KLHL4: variants seen among roughly 807,000 people sequenced by gnomAD.
KLHL4 encodes the protein kelch-like protein 4.
Under a neutral mutation model 45.8 loss-of-function variants are expected in KLHL4, and 17 were observed. The observed-to-expected ratio is 0.37, with a 90% confidence interval of 0.25 to 0.56. KLHL4 has a LOEUF of 0.56. KLHL4 is among the 20% of genes least tolerant of loss of function. KLHL4 has a pLI of 0.79. For synonymous variants in KLHL4, 224 were observed against 189.9 expected (o/e 1.18, Z -1.47); for missense variants, 544 against 544.9 (o/e 1.00, Z 0.02).
At chrX:87,546,486 T>C (rs1238757717) in intron 1 of KLHL4, among the ~76,000 whole-genome samples, 1 of 112,433 alleles carries the variant, frequency 8.9e-6, no homozygotes, top group Non-Finnish European at 1.9e-5. Flanking sequence ...GGCAGAGGGC[T>C]GCTGCAGGGA....
At chrX:87,552,422 G>T (rs1334942697) in intron 1 of KLHL4, among the ~76,000 whole-genome samples, 1 of 109,717 alleles carries the variant, frequency 9.1e-6, no homozygotes, top group East Asian at 2.8e-4. Context: ...CATTGATGTG[G>T]TGATCAGGGG....
chrX:87,545,652 C>T (rs1373964727), intron 1 of KLHL4, among the ~76,000 whole-genome samples: 1 of 111,751 alleles, frequency 8.9e-6, no homozygotes, highest in African/African-American at 3.3e-5. Context: ...GAGGTACTGC[C>T]ATAAAGATAC....
At chrX:87,563,876 C>T (rs1184979079) in intron 1 of KLHL4, among the ~76,000 whole-genome samples, 1 of 110,758 alleles carries the variant, frequency 9.0e-6, no homozygotes, top group East Asian at 2.9e-4. Flanking sequence ...ACAAATAACA[C>T]ATGAAGGATT....
chrX:87,649,455 T>C (rs1923738793), intron 9 of KLHL4, among the ~76,000 whole-genome samples: 1 of 111,626 alleles, frequency 9.0e-6, no homozygotes, highest in Non-Finnish European at 1.9e-5. Flanking sequence ...AAATAGTCTC[T>C]CCTGTTTCAT....
At chrX:87,634,912 T>C (rs1465432422) in intron 8 of KLHL4, among the ~76,000 whole-genome samples, 1 of 111,721 alleles carries the variant, frequency 9.0e-6, no homozygotes, top group African/African-American at 3.3e-5. Flanking sequence ...AGGGAAGTTA[T>C]AGGAATATGG....
chrX:87,667,080 T>C lies in KLHL4; in HGVS notation c.*546T>C. 5 of 675,140 alleles carry C rather than the reference T, an allele frequency of 7.4e-6. No homozygotes were observed. Among genetic ancestry groups the C allele is most frequent in the Non-Finnish European group, 6.7e-6 (4 of 596,447 alleles). The allele number at this position is 675,140 out of a possible 1,213,427, so 55.6% of individuals were successfully genotyped here. Reference sequence around the variant, plus strand: ...TTTACCAAGAGGAAAGCTTTTACTGTGTTGAAGCTAAAAAAATAATGGCTC... The same window carrying C: ...TTTACCAAGAGGAAAGCTTTTACTGCGTTGAAGCTAAAAAAATAATGGCTC... On this transcript the variant is annotated 3_prime_UTR_variant, in exon 11 of 11. Coordinates refer to ENST00000373119, the MANE Select transcript of KLHL4 (RefSeq NM_019117.5).
chrX:87,650,243 G>A (rs1035137669), intron 9 of KLHL4, among the ~76,000 whole-genome samples: 1 of 110,944 alleles, frequency 9.0e-6, no homozygotes, highest in Admixed American at 9.6e-5. Flanking sequence ...CTACAGGCAT[G>A]TGCCACCACA....
rs943789143 is a variant in KLHL4 at position 87,518,018 on chromosome X, A to C, written c.125A>C (p.Glu42Ala). The C allele has an allele frequency of 8.3e-7, 1 of 1,211,344 alleles. No individual in the cohort carries two copies. The highest frequency in any genetic ancestry group is 1.1e-6 in the Non-Finnish European group (1 of 895,457). Residue 42 changes from glutamate (E) to alanine (A), a missense_variant, in exon 1 of 11, where the codon GAG becomes GCG. Glu to Ala is a moderately radical substitution (Grantham distance 107). Coordinates refer to ENST00000373119, the MANE Select transcript of KLHL4 (RefSeq NM_019117.5). ...TGSCLQQEGYEHRGTPVQGRL... is the reference protein window; with the variant it reads ...TGSCLQQEGYAHRGTPVQGRL... The stretch of plus-strand genomic sequence containing the variant: ...AGCTGTCTTCAGCAGGAAGGATATG[A>C]GCATAGAGGGACCCCGGTTCAGGGC...
intron 9 of KLHL4, among the ~76,000 whole-genome samples, chrX:87,653,548 A>G (rs965390485): frequency 8.9e-6 from 1 of 112,016 alleles, no homozygotes; most frequent in Non-Finnish European, 1.9e-5. Flanking sequence ...AAATTAGTTC[A>G]GCCATTGTAG....
At position 87,667,097 on chromosome X, in the gene KLHL4, T is replaced by A. The variant is rs1016887764; in HGVS notation, c.*563T>A. ...TTTTACTGTGTTGAAGCTAAAAAAA[T>A]AATGGCTCTTTGACAAAACTTGTTA... On this transcript the variant is annotated 3_prime_UTR_variant, in exon 11 of 11. Transcript: ENST00000373119. 6.1e-6 allele frequency: 4 copies of A among 655,199 alleles called. No homozygotes were observed. Among genetic ancestry groups the A allele is most frequent in the Non-Finnish European group, 7.2e-6 (4 of 552,679 alleles). The allele number at this position is 655,199 out of a possible 1,213,427, so 54.0% of individuals were successfully genotyped here.
At chrX:87,618,213 C>T (rs1239365302) in intron 4 of KLHL4, 85 bp downstream of exon 4, 3 of 733,826 alleles carry the variant, frequency 4.1e-6, no homozygotes, top group East Asian at 3.7e-5. Context: ...ACTTATATAA[C>T]TTGTAGATGA....
intron 1 of KLHL4, among the ~76,000 whole-genome samples, chrX:87,569,397 GA>G (rs1456818302): frequency 9.0e-6 from 1 of 111,339 alleles, no homozygotes; most frequent in African/African-American, 3.3e-5. Context: ...ATCCACTGTA[GA>G]AAACTGTTTA....
At chrX:87,558,294 TA>T (rs1213042530) in intron 1 of KLHL4, among the ~76,000 whole-genome samples, 2 of 111,356 alleles carry the variant, frequency 1.8e-5, no homozygotes, top group Non-Finnish European at 3.8e-5. Flanking sequence ...CTCTCATTTG[TA>T]AAATGAGGAC....
chrX:87,669,542 G>T lies in KLHL4; in HGVS notation c.*3008G>T. 2 of 664,865 alleles carry T rather than the reference G, an allele frequency of 3.0e-6. No individual in the cohort carries two copies. Among genetic ancestry groups the T allele is most frequent in the Non-Finnish European group, 4.2e-6 (2 of 478,905 alleles). 54.8% of individuals were successfully genotyped at this position (664,865 alleles called of 1,213,427 possible). Reference sequence around the variant, plus strand: ...ATAGAAAAAAAAACCCTGTGACTCTGGATTTTATTTTAAGTTCTCTAACAA... The same window carrying T: ...ATAGAAAAAAAAACCCTGTGACTCTTGATTTTATTTTAAGTTCTCTAACAA... On this transcript the variant is annotated 3_prime_UTR_variant, in exon 11 of 11. Transcript: ENST00000373119.
At chrX:87,654,242 A>T (rs1288702126) in intron 9 of KLHL4, among the ~76,000 whole-genome samples, 1 of 111,847 alleles carries the variant, frequency 8.9e-6, no homozygotes, top group Non-Finnish European at 1.9e-5. Flanking sequence ...TGTAGCCATC[A>T]TCTGAATAGT....
At chrX:87,621,920 C>G (rs978731747) in intron 4 of KLHL4, among the ~76,000 whole-genome samples, 6 of 111,369 alleles carry the variant, frequency 5.4e-5, no homozygotes, top group African/African-American at 2.0e-4. Flanking sequence ...CAGCTGGGAG[C>G]AAAAACTGCC....
At chrX:87,624,628 G>T (rs1238363665) in intron 5 of KLHL4, among the ~76,000 whole-genome samples, 1 of 111,227 alleles carries the variant, frequency 9.0e-6, no homozygotes, top group Non-Finnish European at 1.9e-5. Flanking sequence ...TCCTCTCAAT[G>T]TCCCATGATA....
chrX:87,637,177 G>A (rs1923289648), intron 9 of KLHL4, among the ~76,000 whole-genome samples: 1 of 111,422 alleles, frequency 9.0e-6, no homozygotes, highest in South Asian at 3.8e-4. Flanking sequence ...AGGACTCATG[G>A]CAGACACTCC....
intron 1 of KLHL4, among the ~76,000 whole-genome samples, chrX:87,580,951 C>T (rs1389780548): frequency 8.9e-6 from 1 of 112,103 alleles, no homozygotes; most frequent in Non-Finnish European, 1.9e-5. Context: ...GCTCTGATCT[C>T]TCCCTGGGAC....
Sources: allele counts gnomAD v4.1 joint callset (sites outside exome capture counted in the v4.1 genomes callset), GRCh38; gene constraint gnomAD v4.1.1; transcripts MANE v1.5; gene names NCBI Gene and HGNC (gene_info 2026-07-23, HGNC 2026-07-21).